The following CAST variants were observed in gnomAD, a reference collection of about 807,000 sequenced individuals.
The protein encoded by CAST is MIR583 host.
CAST carries 76 observed loss-of-function variants against 119.6 expected under a neutral mutation model. That is an observed-to-expected ratio of 0.64 (90% CI 0.53 to 0.77). The LOEUF (loss-of-function observed/expected upper bound fraction) is 0.77, where lower values mean the gene tolerates loss of function less well. Ranked by LOEUF, CAST falls within the 30% of genes least tolerant of loss-of-function variation. The pLI, the probability that CAST is intolerant of heterozygous loss-of-function variation, is 0.00. For missense variants in CAST, 953 were observed against 946.5 expected (o/e 1.01, Z -0.09); for synonymous variants, 319 against 331.6 (o/e 0.96, Z 0.41).
At chr5:96,772,130 T>A (rs1280135957) in intron 31 of CAST, 2 of 154,336 alleles carry the variant, frequency 1.3e-5, no homozygotes, top group East Asian at 3.8e-4. Context: ...CTTTAGAGTC[T>A]GGTGGAAATT....
the CAST span, among the ~76,000 whole-genome samples, chr5:96,506,028 T>C: frequency 1.3e-5 from 2 of 152,254 alleles, no homozygotes; most frequent in Non-Finnish European, 2.9e-5. Flanking sequence ...TTATTTCTGC[T>C]ACCTACAAGT....
At chr5:96,669,749 C>T (rs1010401701) in intron 1 of CAST, among the ~76,000 whole-genome samples, 4 of 152,134 alleles carry the variant, frequency 2.6e-5, no homozygotes, top group Non-Finnish European at 5.9e-5. Flanking sequence ...TCTGCCTGAC[C>T]CTGGGAACCT....
chr5:96,073,995 A>G, the CAST span, among the ~76,000 whole-genome samples: 8 of 152,106 alleles, frequency 5.3e-5, no homozygotes, highest in African/African-American at 1.7e-4. Flanking sequence ...ACTATTCATC[A>G]AGGTTCCCGG....
At chr5:96,744,975 T>G (rs1277952930) in intron 16 of CAST, among the ~76,000 whole-genome samples, 3 of 152,210 alleles carry the variant, frequency 2.0e-5, no homozygotes, top group Non-Finnish European at 1.5e-5. Flanking sequence ...TAGGCTCTTT[T>G]TTTTCGATGC....
In CAST at chr5:96,675,569, T is replaced by G. The variant is rs1199302252; in HGVS notation, c.106T>G (p.Ser36Ala). 6.2e-7 allele frequency: 1 copy of G among 1,613,582 alleles called. No individual in the cohort carries two copies. The highest frequency in any genetic ancestry group is 1.3e-5 in the African/African-American group (1 of 75,058). The change falls in exon 2 of 32, where the codon TCC becomes GCC. Residue 36 changes from serine (S) to alanine (A), a missense_variant. By Grantham distance (99) the Ser-to-Ala change is moderately conservative. Coordinates refer to ENST00000675179, the MANE Select transcript of CAST (RefSeq NM_001750.7). ...CAGTGAAAAAACCAGTGAATCGCCT[T>G]CCAAACCAGGAGAAAAGAAAGGATC... Reference protein sequence around the residue: ...HVSEKTSESPSKPGEKKGSDE... With the variant: ...HVSEKTSESPAKPGEKKGSDE...
intron 4 of CAST, among the ~76,000 whole-genome samples, chr5:96,723,283 T>C (rs1192480857): frequency 6.6e-6 from 1 of 152,132 alleles, no homozygotes; most frequent in Non-Finnish European, 1.5e-5. Flanking sequence ...GTTTTTGTTT[T>C]TGATCCTAGA....
chr5:95,961,689 C>A, the CAST span: 1 of 1,605,460 alleles, frequency 6.2e-7, no homozygotes, highest in Non-Finnish European at 8.5e-7. Context: ...AGCGCTGCTC[C>A]TCCCGCAGGC....
chr5:96,241,868 A>G, the CAST span, among the ~76,000 whole-genome samples: 3 of 147,802 alleles, frequency 2.0e-5, no homozygotes, highest in Non-Finnish European at 4.5e-5. Context: ...TCTTCTTTTG[A>G]GAAGTGTCTG....
At chr5:96,511,166 G>A in the CAST span, among the ~76,000 whole-genome samples, 46 of 152,238 alleles carry the variant, frequency 3.0e-4, no homozygotes, top group African/African-American at 1.1e-3. Flanking sequence ...TATTTTTTTA[G>A]ACGGAATCTC....
chr5:96,496,386 T>C, the CAST span, among the ~76,000 whole-genome samples: 1 of 152,236 alleles, frequency 6.6e-6, no homozygotes, highest in Non-Finnish European at 1.5e-5. Context: ...ATTAGCTTTC[T>C]GGCCCCTCGG....
At chr5:96,463,508 A>T in the CAST span, among the ~76,000 whole-genome samples, 4 of 152,064 alleles carry the variant, frequency 2.6e-5, no homozygotes, top group African/African-American at 9.7e-5. Context: ...CTCTAAGCTT[A>T]ATTTCCTGAT....
chr5:96,766,761 T>C (rs2080748087), intron 27 of CAST, among the ~76,000 whole-genome samples: 1 of 152,192 alleles, frequency 6.6e-6, no homozygotes, highest in Non-Finnish European at 1.5e-5. Context: ...TTGAGTCAAT[T>C]AGATGATAAA....
chr5:96,086,673 G>A, the CAST span, among the ~76,000 whole-genome samples: 1 of 90,612 alleles, frequency 1.1e-5, no homozygotes, highest in Admixed American at 9.7e-5. Context: ...GGTCCAGAGA[G>A]GCTGTTAGAT....
chr5:96,060,648 A>G, the CAST span, among the ~76,000 whole-genome samples: 1 of 152,114 alleles, frequency 6.6e-6, no homozygotes, highest in African/African-American at 2.4e-5. Flanking sequence ...CATAGCAGGA[A>G]AGGGCACGGT....
the CAST span, among the ~76,000 whole-genome samples, chr5:96,027,893 A>T: frequency 6.6e-6 from 1 of 152,282 alleles, no homozygotes; most frequent in Non-Finnish European, 1.5e-5. Context: ...CTGTTAGAAG[A>T]TGGAGAAAAT....
chr5:96,592,844 A>G (rs1580838056), intron 1 of CAST, among the ~76,000 whole-genome samples: 1 of 151,576 alleles, frequency 6.6e-6, no homozygotes, highest in East Asian at 1.9e-4. Context: ...TGCTCACTGC[A>G]AGCTCCGCCT....
At chr5:96,414,137 T>TAAA in the CAST span, among the ~76,000 whole-genome samples, 1 of 124,758 alleles carries the variant, frequency 8.0e-6, no homozygotes. Context: ...AGACTCTGTC[T>TAAA]AAAAAAAAAA....
At chr5:96,293,435 G>T in the CAST span, among the ~76,000 whole-genome samples, 1 of 151,012 alleles carries the variant, frequency 6.6e-6, no homozygotes, top group Non-Finnish European at 1.5e-5. Context: ...CCACCACCAC[G>T]CCCCGGCTAA....
At chr5:96,734,090 G>A (rs888704623) in intron 9 of CAST, among the ~76,000 whole-genome samples, 1 of 152,202 alleles carries the variant, frequency 6.6e-6, no homozygotes, top group African/African-American at 2.4e-5. Flanking sequence ...TGGAAGAGTA[G>A]ATCCAAGTTC....
Sources: allele counts gnomAD v4.1 joint callset (sites outside exome capture counted in the v4.1 genomes callset), GRCh38; gene constraint gnomAD v4.1.1; transcripts MANE v1.5; gene names NCBI Gene and HGNC (gene_info 2026-07-23, HGNC 2026-07-21).